CSMD1: variants seen among roughly 807,000 people sequenced by gnomAD.
CSMD1 encodes the protein CUB and sushi domain-containing protein 1.
In CSMD1, 213 loss-of-function variants were observed where a neutral mutation model predicts 417.5. That is an observed-to-expected ratio of 0.51 (90% CI 0.46 to 0.57). CSMD1 has a LOEUF of 0.57. CSMD1 is among the 20% of genes least tolerant of loss of function. The probability of loss-of-function intolerance (pLI) is 0.00; values close to 1 mark genes in which losing one functional copy is unlikely to be tolerated. For missense variants in CSMD1, 6,923 were observed against 4,529.7 expected, an observed-to-expected ratio of 1.53 and a Z score of -15.17; for synonymous variants, 2,862 against 1,736.8, an observed-to-expected ratio of 1.65 and a Z score of -16.11.
intron 3 of CSMD1, among the ~76,000 whole-genome samples, chr8:4,354,122 G>C (rs375103406): frequency 2.0e-5 from 3 of 152,082 alleles, no homozygotes; most frequent in Non-Finnish European, 4.4e-5. Context: ...CCAAGAACGC[G>C]CCTGAAAGTA....
chr8:4,380,177 T>G (rs1803010435), intron 3 of CSMD1, among the ~76,000 whole-genome samples: 1 of 152,186 alleles, frequency 6.6e-6, no homozygotes, highest in Non-Finnish European at 1.5e-5. Context: ...GTAACTCCCT[T>G]AGGAGGGCTC....
At chr8:4,707,817 G>C (rs1351510587) in intron 1 of CSMD1, among the ~76,000 whole-genome samples, 1 of 145,838 alleles carries the variant, frequency 6.9e-6, no homozygotes, top group Non-Finnish European at 1.5e-5. Flanking sequence ...AACTCGGGAG[G>C]GAGAGGTTGC....
At chr8:3,575,714 C>T (rs1289292693) in intron 9 of CSMD1, among the ~76,000 whole-genome samples, 2 of 53,314 alleles carry the variant, frequency 3.8e-5, no homozygotes, top group African/African-American at 1.2e-4. Flanking sequence ...GGAATGGTGA[C>T]TTTAAAAATA....
chr8:3,976,928 G>A (rs1040911071), intron 5 of CSMD1, among the ~76,000 whole-genome samples: 1 of 152,182 alleles, frequency 6.6e-6, no homozygotes, highest in Non-Finnish European at 1.5e-5. Flanking sequence ...TTTACATAGT[G>A]TCTAGTACAG....
At chr8:3,494,494 T>A (rs997237355) in intron 10 of CSMD1, among the ~76,000 whole-genome samples, 1 of 151,844 alleles carries the variant, frequency 6.6e-6, no homozygotes, top group Non-Finnish European at 1.5e-5. Context: ...ATTAGAGGAA[T>A]GATAGATAGA....
chr8:4,520,448 G>C (rs1803380830), intron 2 of CSMD1, among the ~76,000 whole-genome samples: 1 of 152,134 alleles, frequency 6.6e-6, no homozygotes, highest in African/African-American at 2.4e-5. Context: ...GTAGTGGATA[G>C]GAAATTTGGA....
intron 1 of CSMD1, among the ~76,000 whole-genome samples, chr8:4,757,827 C>T (rs556491199): frequency 3.9e-4 from 59 of 151,732 alleles, no homozygotes; most frequent in Admixed American, 3.6e-3. Flanking sequence ...GGCACGGTGG[C>T]GCACACCTGT....
intron 3 of CSMD1, among the ~76,000 whole-genome samples, chr8:4,412,559 A>T (rs561527491): frequency 6.6e-6 from 1 of 152,244 alleles, no homozygotes; most frequent in East Asian, 1.9e-4. Context: ...ATTTCTTTAT[A>T]CTAATACAAG....
intron 8 of CSMD1, among the ~76,000 whole-genome samples, chr8:3,591,181 T>C (rs1217462055): frequency 1.3e-5 from 2 of 152,320 alleles, no homozygotes; most frequent in African/African-American, 2.4e-5. Flanking sequence ...ACATGGTACA[T>C]TGACAATAAA....
At chr8:4,762,340 T>C (rs903487773) in intron 1 of CSMD1, among the ~76,000 whole-genome samples, 6 of 152,158 alleles carry the variant, frequency 3.9e-5, no homozygotes, top group South Asian at 2.1e-4. Context: ...AGTTTATATT[T>C]ATACCAGTAA....
At chr8:4,453,099 G>T (rs1003185459) in intron 2 of CSMD1, among the ~76,000 whole-genome samples, 1 of 151,984 alleles carries the variant, frequency 6.6e-6, no homozygotes, top group Non-Finnish European at 1.5e-5. Context: ...TATAGACAGG[G>T]AGCCAATGAT....
chr8:3,552,171 T>A (rs1390532109), intron 10 of CSMD1, among the ~76,000 whole-genome samples: 3 of 152,320 alleles, frequency 2.0e-5, no homozygotes, highest in African/African-American at 7.2e-5. Context: ...GGTGAGATTT[T>A]CTGCACAAAC....
intron 1 of CSMD1, among the ~76,000 whole-genome samples, chr8:4,990,961 C>G (rs1031033929): frequency 2.6e-5 from 4 of 152,136 alleles, no homozygotes; most frequent in African/African-American, 9.7e-5. Context: ...GTTTGAATTA[C>G]TTACTTTAAC....
intron 2 of CSMD1, among the ~76,000 whole-genome samples, chr8:4,453,739 G>A (rs79363637): frequency 2.7e-5 from 4 of 149,912 alleles, no homozygotes; most frequent in Non-Finnish European, 5.9e-5. Context: ...ATCCCCAAAC[G>A]TAATTCCGGG....
At chr8:4,776,806 A>G (rs1796877861) in intron 1 of CSMD1, among the ~76,000 whole-genome samples, 1 of 151,986 alleles carries the variant, frequency 6.6e-6, no homozygotes, top group Non-Finnish European at 1.5e-5. Context: ...GAGCCAGACG[A>G]TTTAAATTTT....
intron 50 of CSMD1, among the ~76,000 whole-genome samples, chr8:3,038,189 C>T (rs11783560): frequency 0.21 from 31,923 of 152,160 alleles, 4,055 homozygotes; most frequent in Non-Finnish European, 0.29. Flanking sequence ...CTGATCTCAG[C>T]GAGACAAGAC....
intron 3 of CSMD1, among the ~76,000 whole-genome samples, chr8:4,271,312 G>T (rs758688855): frequency 6.6e-6 from 1 of 152,166 alleles, no homozygotes; most frequent in Admixed American, 6.5e-5. Flanking sequence ...ACCCACAGAG[G>T]TTGGTGAAAT....
chr8:4,005,152 G>A (rs1048172603), intron 4 of CSMD1, among the ~76,000 whole-genome samples: 1 of 152,066 alleles, frequency 6.6e-6, no homozygotes, highest in Non-Finnish European at 1.5e-5. Context: ...AGTGGGAGTG[G>A]GGAAAGGGGA....
At chr8:4,535,256 T>A (rs1269077309) in intron 2 of CSMD1, among the ~76,000 whole-genome samples, 2 of 152,182 alleles carry the variant, frequency 1.3e-5, no homozygotes, top group Non-Finnish European at 2.9e-5. Flanking sequence ...ATAATTTAAA[T>A]GAATTTAATT....
Sources: allele counts gnomAD v4.1 joint callset (sites outside exome capture counted in the v4.1 genomes callset), GRCh38; gene constraint gnomAD v4.1.1; transcripts MANE v1.5; gene names NCBI Gene and HGNC (gene_info 2026-07-23, HGNC 2026-07-21).